Variants in SRGAP2 observed in about 807,000 individuals in gnomAD.
SRGAP2 encodes the protein SLIT-ROBO Rho GTPase-activating protein 2.
In SRGAP2, 15 loss-of-function variants were observed where a neutral mutation model predicts 57.2. The observed-to-expected ratio is 0.26, with a 90% CI of 0.18 to 0.40. The LOEUF (loss-of-function observed/expected upper bound fraction) is 0.40, where lower values mean the gene tolerates loss of function less well. SRGAP2 is among the 10% of genes least tolerant of loss of function. The probability of loss-of-function intolerance (pLI) is 1.00; values close to 1 mark genes in which losing one functional copy is unlikely to be tolerated. For synonymous variants in SRGAP2, 249 were observed against 248.0 expected, an observed-to-expected ratio of 1.00 and a Z score of -0.04; for missense variants, 520 against 669.6, an observed-to-expected ratio of 0.78 and a Z score of 2.47.
chr1:206,255,055 A>G (rs1553311990), intron 2 of SRGAP2, among the ~76,000 whole-genome samples: 2 of 151,268 alleles, frequency 1.3e-5, no homozygotes, highest in African/African-American at 4.9e-5. Flanking sequence ...CCAGTAAGCA[A>G]GGTTCCACCT....
intron 2 of SRGAP2, among the ~76,000 whole-genome samples, chr1:206,272,738 C>T (rs1670194875): frequency 6.6e-6 from 1 of 152,164 alleles, no homozygotes; most frequent in Non-Finnish European, 1.5e-5. Flanking sequence ...TAAGTGTGCA[C>T]ATTAATGCAT....
intron 10 of SRGAP2, among the ~76,000 whole-genome samples, chr1:206,413,957 T>C (rs1659442220): frequency 6.6e-6 from 1 of 152,306 alleles, no homozygotes; most frequent in African/African-American, 2.4e-5. Flanking sequence ...AAGCTCTTAG[T>C]TAAAAGTTCA....
chr1:206,324,295 C>G lies in SRGAP2; in HGVS notation c.261-18551C>G, dbSNP rs1340567361. On this transcript the variant is annotated intron_variant, in intron 3 of 22. Coordinates refer to ENST00000573034, the MANE Select transcript of SRGAP2 (RefSeq NM_015326.5). ...CTTAGCAAAGGCTGGTTTTTAAAAC[C>G]TTTATTCTCATTTTTACTCTTTCTA... 2.5e-4 allele frequency among the ~76,000 whole-genome samples: 38 copies of G among 150,428 alleles called. No homozygotes were observed. In the Admixed American group the frequency reaches 2.5e-3, roughly 10 times the overall value.
chr1:206,381,281 G>A (rs1376931593), intron 4 of SRGAP2, among the ~76,000 whole-genome samples: 1 of 151,004 alleles, frequency 6.6e-6, no homozygotes, highest in Non-Finnish European at 1.5e-5. Flanking sequence ...TAGAGGAATA[G>A]GAGCTTTCTC....
At chr1:206,274,725 T>C (rs1361823298) in intron 2 of SRGAP2, among the ~76,000 whole-genome samples, 4 of 151,806 alleles carry the variant, frequency 2.6e-5, no homozygotes, top group Non-Finnish European at 4.4e-5. Flanking sequence ...AAAAATATGA[T>C]GTAAAGATTC....
intron 2 of SRGAP2, among the ~76,000 whole-genome samples, chr1:206,244,882 T>C (rs1285750655): frequency 6.6e-6 from 1 of 151,382 alleles, no homozygotes; most frequent in Non-Finnish European, 1.5e-5. Context: ...TGATTTGATA[T>C]AGATTTATGA....
At chr1:206,260,559 G>T (rs1335566574) in intron 2 of SRGAP2, among the ~76,000 whole-genome samples, 1 of 151,996 alleles carries the variant, frequency 6.6e-6, no homozygotes, top group Non-Finnish European at 1.5e-5. Flanking sequence ...ACCCCTCCAC[G>T]TTCTTTTACA....
rs1656563555 is a variant in SRGAP2, at chr1:206,388,708, CT to C, written c.487-3979del. Among the ~76,000 whole-genome samples, 4 of 139,512 alleles carry C rather than the reference CT, an allele frequency of 2.9e-5. No homozygotes were observed. The Admixed American group carries it at 3.0e-4, about 10-fold the overall frequency. 91.5% of individuals were successfully genotyped at this position (139,512 alleles called of 152,430 possible). On this transcript the variant is annotated intron_variant, in intron 5 of 22. Transcript: ENST00000573034. Reference sequence around the variant, plus strand: ...CTTTTCTTCTTGTTGTATAATATTTCTTCTAAATTGCTAGTTTTGGTCTTGG... The same window carrying C: ...CTTTTCTTCTTGTTGTATAATATTTCTCTAAATTGCTAGTTTTGGTCTTGG...
intron 12 of SRGAP2, among the ~76,000 whole-genome samples, chr1:206,420,578 G>C (rs1163551699): frequency 3.3e-5 from 5 of 152,276 alleles, no homozygotes; most frequent in African/African-American, 1.2e-4. Context: ...CCTCAGGAGT[G>C]GCCTGGTGGC....
chr1:206,448,727 G>GTTTGCC (rs1293097163), intron 18 of SRGAP2, among the ~76,000 whole-genome samples: 1 of 152,142 alleles, frequency 6.6e-6, no homozygotes, highest in African/African-American at 2.4e-5. Context: ...CTGAGGGAAA[G>GTTTGCC]TTTGCCTTTG....
intron 2 of SRGAP2, among the ~76,000 whole-genome samples, chr1:206,298,359 C>A (rs1230525041): frequency 1.3e-5 from 2 of 152,202 alleles, no homozygotes; most frequent in African/African-American, 4.8e-5. Context: ...GTGTTTAATT[C>A]ATACACACAG....
At chr1:206,428,774 C>A (rs1358453925) in intron 13 of SRGAP2, among the ~76,000 whole-genome samples, 3 of 152,132 alleles carry the variant, frequency 2.0e-5, no homozygotes, top group African/African-American at 7.2e-5. Flanking sequence ...GCAGTCCTCC[C>A]ACCTCAGCCT....
intron 4 of SRGAP2, among the ~76,000 whole-genome samples, chr1:206,347,274 A>C (rs1371676557): frequency 2.0e-5 from 3 of 152,090 alleles, no homozygotes; most frequent in East Asian, 1.9e-4. Flanking sequence ...AAAACAACAA[A>C]AAAACAAAAA....
At chr1:206,318,647 C>T (rs1378174633) in intron 3 of SRGAP2, among the ~76,000 whole-genome samples, 6 of 152,180 alleles carry the variant, frequency 3.9e-5, no homozygotes, top group Admixed American at 1.3e-4. Context: ...GTGCTGGTGT[C>T]TGCTTCTGGT....
At chr1:206,429,226 G>A (rs1446158978) in intron 13 of SRGAP2, among the ~76,000 whole-genome samples, 1 of 152,176 alleles carries the variant, frequency 6.6e-6, no homozygotes, top group Non-Finnish European at 1.5e-5. Context: ...ACATCTGGGA[G>A]GCCTGCTTCT....
intron 21 of SRGAP2, among the ~76,000 whole-genome samples, chr1:206,458,058 G>A (rs1233644344): frequency 6.6e-6 from 1 of 152,180 alleles, no homozygotes; most frequent in African/African-American, 2.4e-5. Context: ...CTAAGAAAAC[G>A]CACAAACTGG....
chr1:206,389,165 C>CTTTTTTTT (rs71274650), intron 5 of SRGAP2, among the ~76,000 whole-genome samples: 1 of 73,074 alleles, frequency 1.4e-5, no homozygotes, highest in African/African-American at 6.3e-5. Context: ...CTCAGACTTC[C>CTTTTTTTT]TTTTTTTTTT....
intron 2 of SRGAP2, among the ~76,000 whole-genome samples, chr1:206,250,217 T>C (rs1329971962): frequency 6.6e-6 from 1 of 152,064 alleles, no homozygotes; most frequent in African/African-American, 2.4e-5. Context: ...GACTGTTTGG[T>C]CCACTTTTCT....
chr1:206,365,514 A>C (rs1417276773), intron 4 of SRGAP2, among the ~76,000 whole-genome samples: 1 of 149,702 alleles, frequency 6.7e-6, no homozygotes, highest in Non-Finnish European at 1.5e-5. Flanking sequence ...CACACATTCA[A>C]ATCAGCTCCT....
Sources: allele counts gnomAD v4.1 joint callset (sites outside exome capture counted in the v4.1 genomes callset), GRCh38; gene constraint gnomAD v4.1.1; transcripts MANE v1.5; gene names NCBI Gene and HGNC (gene_info 2026-07-23, HGNC 2026-07-21).